ACOXL: variants seen among roughly 807,000 people sequenced by gnomAD.
ACOXL encodes the protein acyl-CoA oxidase like, also known as acyl-coenzyme A oxidase-like protein.
A neutral mutation model predicts 71.9 loss-of-function variants in ACOXL; 70 were observed. That is an observed-to-expected ratio of 0.97 (90% CI 0.80 to 1.19). The LOEUF is 1.19. Among genes scored for constraint, ACOXL ranks in the 50% most tolerant of loss-of-function variants. ACOXL has a pLI of 0.00. For missense variants in ACOXL, 703 were observed against 736.3 expected (o/e 0.95, Z 0.52); for synonymous variants, 253 against 281.6 (o/e 0.90, Z 1.02).
intron 16 of ACOXL, among the ~76,000 whole-genome samples, chr2:111,060,292 G>A (rs571007670): frequency 6.6e-6 from 1 of 152,262 alleles, no homozygotes; most frequent in Non-Finnish European, 1.5e-5. Context: ...AGGCCAAATG[G>A]GGAGAGTCAA....
chr2:111,053,752 C>A (rs748304154), intron 16 of ACOXL, among the ~76,000 whole-genome samples: 11 of 152,234 alleles, frequency 7.2e-5, no homozygotes, highest in Non-Finnish European at 1.6e-4. Context: ...TATCTGGCAG[C>A]AGCTGCCTCC....
intron 3 of ACOXL, among the ~76,000 whole-genome samples, chr2:110,791,244 C>T (rs1190593748): frequency 1.3e-5 from 2 of 152,226 alleles, no homozygotes; most frequent in Admixed American, 6.5e-5. Flanking sequence ...GCTGCAGTTT[C>T]CTGCAAACTT....
chr2:110,889,369 T>A (rs1287544321), intron 10 of ACOXL, among the ~76,000 whole-genome samples: 1 of 152,240 alleles, frequency 6.6e-6, no homozygotes, highest in Admixed American at 6.5e-5. Flanking sequence ...TAAAATTGTT[T>A]CATTTAAGGT....
At chr2:110,959,089 G>A (rs544114943) in intron 12 of ACOXL, among the ~76,000 whole-genome samples, 2 of 152,336 alleles carry the variant, frequency 1.3e-5, no homozygotes, top group East Asian at 1.9e-4. Context: ...GGGACAGAGC[G>A]GGGCAAACCT....
chr2:110,801,770 A>T (rs956762576), intron 8 of ACOXL, 46 bp downstream of exon 8: 6 of 1,493,694 alleles, frequency 4.0e-6, no homozygotes, highest in Admixed American at 3.4e-5. Context: ...AGATGATCTC[A>T]CTGCTCTCCA....
intron 3 of ACOXL, among the ~76,000 whole-genome samples, chr2:110,792,410 TC>T (rs1194420970): frequency 1.3e-5 from 2 of 152,176 alleles, no homozygotes; most frequent in African/African-American, 4.8e-5. Flanking sequence ...CTCTGCCTCT[TC>T]CTGTTTCTTC....
chr2:111,095,617 C>G lies in ACOXL; in HGVS notation c.1542+2651C>G, dbSNP rs1436058247. Reference sequence around the variant, plus strand: ...TGCTGTCCAGGCTGATCTCCAACTCCTGGACTCAAGTCATCCGCCAGCCTT... The same window carrying G: ...TGCTGTCCAGGCTGATCTCCAACTCGTGGACTCAAGTCATCCGCCAGCCTT... On this transcript the variant is annotated intron_variant, in intron 17 of 17. Transcript: ENST00000439055. Among the ~76,000 whole-genome samples, 4 of 152,174 alleles carry G rather than the reference C, an allele frequency of 2.6e-5. No homozygotes were observed. The East Asian group carries it at 5.8e-4, about 22-fold the overall frequency.
Position 111,034,758 on chromosome 2 carries a change from A to G in ACOXL, c.1369+3044A>G, listed in dbSNP as rs563323217. On this transcript the variant is annotated intron_variant, in intron 15 of 17. Coordinates refer to ENST00000439055, the MANE Select transcript of ACOXL (RefSeq NM_001142807.4). ...TAAAATTTCACCAGCGTATCATTAC[A>G]TTCAAATAGCATGTTACCCTCTGGC... 2.4e-4 allele frequency among the ~76,000 whole-genome samples: 37 copies of G among 152,342 alleles called. 1 individual carries two copies. The South Asian group carries it at 3.3e-3, about 14-fold the overall frequency.
At chr2:110,999,385 T>A (rs1432133421) in intron 14 of ACOXL, among the ~76,000 whole-genome samples, 1 of 152,180 alleles carries the variant, frequency 6.6e-6, no homozygotes, top group Non-Finnish European at 1.5e-5. Flanking sequence ...GGGACATCAA[T>A]GTTTGAATTT....
At chr2:111,057,481 G>A (rs1388187874) in intron 16 of ACOXL, among the ~76,000 whole-genome samples, 1 of 152,184 alleles carries the variant, frequency 6.6e-6, no homozygotes, top group Non-Finnish European at 1.5e-5. Context: ...GTGTCTCTGG[G>A]AGGGAATGCA....
chr2:110,954,310 A>G (rs2061425334), intron 12 of ACOXL, among the ~76,000 whole-genome samples: 1 of 152,072 alleles, frequency 6.6e-6, no homozygotes, highest in African/African-American at 2.4e-5. Context: ...TGACAATCTC[A>G]TTTTTATCTG....
intron 9 of ACOXL, among the ~76,000 whole-genome samples, chr2:110,832,087 C>T (rs1237798936): frequency 6.6e-6 from 1 of 152,152 alleles, no homozygotes; most frequent in Non-Finnish European, 1.5e-5. Context: ...GTCCCAGCTA[C>T]TTGGGAGGAG....
intron 12 of ACOXL, among the ~76,000 whole-genome samples, chr2:110,970,680 CTG>C (rs1365130736): frequency 4.6e-5 from 7 of 152,260 alleles, no homozygotes; most frequent in Non-Finnish European, 1.0e-4. Flanking sequence ...GAAATAAAAA[CTG>C]TAGCTTTCTG....
At chr2:110,852,726 G>A (rs995998242) in intron 10 of ACOXL, among the ~76,000 whole-genome samples, 1 of 152,220 alleles carries the variant, frequency 6.6e-6, no homozygotes, top group African/African-American at 2.4e-5. Context: ...AAGGAGTTGT[G>A]ATGAGGCAGC....
chr2:111,039,918 T>C lies in ACOXL; in HGVS notation c.1369+8204T>C, dbSNP rs534785248. On this transcript the variant is annotated intron_variant, in intron 15 of 17. Coordinates refer to ENST00000439055, the MANE Select transcript of ACOXL (RefSeq NM_001142807.4). ...AGCAGAAAAAAATGGCTTTCAAAAA[T>C]GTTCAGAACAGCTGTTTCTCAGTAT... Among the ~76,000 whole-genome samples the C allele has an allele frequency of 3.9e-5, 6 of 152,348 alleles. No individual in the cohort carries two copies. In the East Asian group the frequency reaches 9.6e-4, roughly 24 times the overall value.
At chr2:111,064,328 C>T (rs1007752150) in intron 16 of ACOXL, among the ~76,000 whole-genome samples, 10 of 149,200 alleles carry the variant, frequency 6.7e-5, no homozygotes, top group Non-Finnish European at 1.2e-4. Context: ...CCCGGCTACT[C>T]GGGAGGCTGA....
intron 14 of ACOXL, among the ~76,000 whole-genome samples, chr2:111,005,020 A>G (rs1369268674): frequency 1.3e-5 from 2 of 152,374 alleles, no homozygotes; most frequent in South Asian, 2.1e-4. Context: ...CAATCTGTTT[A>G]ACAGATTTCT....
At chr2:110,775,001 C>G (rs1682461111) in intron 2 of ACOXL, among the ~76,000 whole-genome samples, 1 of 152,192 alleles carries the variant, frequency 6.6e-6, no homozygotes, top group Non-Finnish European at 1.5e-5. Context: ...TAAAGAGCCC[C>G]TAGAAATAAA....
At chr2:110,876,489 A>C (rs1334473508) in intron 10 of ACOXL, among the ~76,000 whole-genome samples, 1 of 152,124 alleles carries the variant, frequency 6.6e-6, no homozygotes, top group Non-Finnish European at 1.5e-5. Context: ...CAGACGGGCC[A>C]GGCCTGTTCC....
Sources: gnomAD v4.1 joint callset for allele counts (sites outside exome capture counted in the v4.1 genomes callset) on GRCh38, gnomAD v4.1.1 for gene constraint, MANE v1.5 for transcripts, NCBI Gene and HGNC (gene_info 2026-07-23, HGNC 2026-07-21) for gene names.